FRMPD4: variants seen among roughly 807,000 people sequenced by gnomAD.
FRMPD4 encodes the protein FERM and PDZ domain containing 4.
FRMPD4 carries 22 observed loss-of-function variants against 94.1 expected under a neutral mutation model. The observed-to-expected ratio is 0.23, with a 90% CI of 0.17 to 0.33. The LOEUF (loss-of-function observed/expected upper bound fraction) is 0.33. FRMPD4 is among the 10% of genes least tolerant of loss of function. FRMPD4 has a pLI of 1.00. For missense variants in FRMPD4, 1,111 were observed against 1,339.9 expected (o/e 0.83, Z 2.67); for synonymous variants, 631 against 548.6 (o/e 1.15, Z -2.10).
intron 3 of FRMPD4, among the ~76,000 whole-genome samples, chrX:11,926,281 A>AC (rs1365856926): frequency 9.4e-6 from 1 of 106,231 alleles, no homozygotes; most frequent in African/African-American, 3.4e-5. Flanking sequence ...AAAAAAAAAA[A>AC]AGCCCAGGAC....
At chrX:12,720,396 G>C in intron 16 of FRMPD4, 138 bp from the exon 17 acceptor site, 1 of 534,063 alleles carries the variant, frequency 1.9e-6, no homozygotes, top group South Asian at 3.6e-5. Flanking sequence ...TCTTTGGAAA[G>C]CAGGGTGACC....
intron 2 of FRMPD4, among the ~76,000 whole-genome samples, chrX:12,534,232 C>T (rs147439147): frequency 1.4e-4 from 16 of 112,938 alleles, no homozygotes; most frequent in African/African-American, 4.5e-4. Context: ...AGTCAAGAAT[C>T]GGGGTTTGGG....
intron 1 of FRMPD4, among the ~76,000 whole-genome samples, chrX:12,335,841 C>T (rs766800897): frequency 3.6e-5 from 4 of 112,323 alleles, no homozygotes; most frequent in Admixed American, 1.9e-4. Context: ...AACTGCTATC[C>T]GCTTAGAGTA....
intron 2 of FRMPD4, among the ~76,000 whole-genome samples, chrX:12,546,456 G>A (rs1751455463): frequency 8.9e-6 from 1 of 112,267 alleles, no homozygotes; most frequent in South Asian, 3.7e-4. Context: ...GGGATTACAG[G>A]CATGAGCCAC....
intron 3 of FRMPD4, among the ~76,000 whole-genome samples, chrX:12,028,186 T>C (rs762452288): frequency 9.8e-5 from 11 of 112,103 alleles, no homozygotes; most frequent in Non-Finnish European, 1.7e-4. Context: ...TCTTTTGCAC[T>C]TATAGGACTG....
intron 6 of FRMPD4, among the ~76,000 whole-genome samples, chrX:12,685,751 A>G (rs763544677): frequency 7.1e-5 from 8 of 112,085 alleles, no homozygotes; most frequent in Non-Finnish European, 1.5e-4. Flanking sequence ...ATCAAACAGC[A>G]TCATTGCTGG....
At chrX:12,498,615 A>T in intron 1 of FRMPD4, 65 bp from the exon 2 acceptor site, 1 of 632,480 alleles carries the variant, frequency 1.6e-6, no homozygotes, top group Non-Finnish European at 2.7e-6. Flanking sequence ...CTCCTTCCAG[A>T]GTTTGTCTCA....
At chrX:12,683,412 A>G (rs1222397837) in intron 5 of FRMPD4, 71 bp from the exon 6 acceptor site, 11 of 558,887 alleles carry the variant, frequency 2.0e-5, no homozygotes, top group African/African-American at 1.8e-4. Flanking sequence ...CATACCTAAG[A>G]TGGAAAACAA....
intron 1 of FRMPD4, among the ~76,000 whole-genome samples, chrX:12,352,577 T>A (rs1424292543): frequency 8.9e-6 from 1 of 112,675 alleles, no homozygotes; most frequent in Non-Finnish European, 1.9e-5. Flanking sequence ...AGTTAATGTA[T>A]CTTTTTCATT....
At chrX:12,633,881 TA>T (rs2059419432) in intron 4 of FRMPD4, among the ~76,000 whole-genome samples, 1 of 112,486 alleles carries the variant, frequency 8.9e-6, no homozygotes, top group African/African-American at 3.2e-5. Context: ...CACCGTGTAG[TA>T]GACAATAAAA....
At chrX:12,203,136 T>A (rs1190470921) in intron 1 of FRMPD4, among the ~76,000 whole-genome samples, 1 of 112,034 alleles carries the variant, frequency 8.9e-6, no homozygotes. Flanking sequence ...ATTCCCCTGG[T>A]ATCCTGTGCC....
chrX:12,258,255 G>A (rs1243680569), intron 1 of FRMPD4, among the ~76,000 whole-genome samples: 1 of 111,312 alleles, frequency 9.0e-6, no homozygotes, highest in East Asian at 2.8e-4. Context: ...TGAGAGGTAG[G>A]ACCTTTAAGA....
At chrX:12,631,042 G>A (rs2059391022) in intron 4 of FRMPD4, among the ~76,000 whole-genome samples, 1 of 111,022 alleles carries the variant, frequency 9.0e-6, no homozygotes, top group South Asian at 3.8e-4. Flanking sequence ...TGGCAGAAGG[G>A]GAAGATGATA....
intron 1 of FRMPD4, among the ~76,000 whole-genome samples, chrX:12,314,211 C>T (rs1366782605): frequency 8.9e-6 from 1 of 112,269 alleles, no homozygotes; most frequent in Non-Finnish European, 1.9e-5. Flanking sequence ...TTTAAAAAGT[C>T]GTTCAGAGTG....
chrX:12,553,433 C>CATATATATATATATATATATAT (rs1257665252), intron 2 of FRMPD4, among the ~76,000 whole-genome samples: 2 of 28,753 alleles, frequency 7.0e-5, no homozygotes, highest in Non-Finnish European at 5.3e-5. Flanking sequence ...TATCCATATG[C>CATATATATATATATATATATAT]CTATATATAT....
At chrX:12,459,307 T>A (rs925507191) in intron 1 of FRMPD4, among the ~76,000 whole-genome samples, 9 of 110,930 alleles carry the variant, frequency 8.1e-5, no homozygotes, top group African/African-American at 2.9e-4. Flanking sequence ...CCCCCACCAT[T>A]CCCAGCATTA....
At chrX:12,577,270 A>G (rs2058821025) in intron 2 of FRMPD4, among the ~76,000 whole-genome samples, 1 of 111,608 alleles carries the variant, frequency 9.0e-6, no homozygotes, top group South Asian at 3.8e-4. Context: ...GAAGATCCTT[A>G]TGCAGGCAAT....
chrX:12,602,526 G>T (rs1211198464), intron 2 of FRMPD4, among the ~76,000 whole-genome samples: 1 of 111,920 alleles, frequency 8.9e-6, no homozygotes, highest in South Asian at 3.8e-4. Flanking sequence ...GAATGAAGTT[G>T]GTGGAGAAAA....
At chrX:12,599,350 C>T (rs1186491547) in intron 2 of FRMPD4, among the ~76,000 whole-genome samples, 1 of 111,408 alleles carries the variant, frequency 9.0e-6, no homozygotes, top group Non-Finnish European at 1.9e-5. Context: ...AAAAAGCCTG[C>T]CCAGCCATGC....
Sources: allele counts gnomAD v4.1 joint callset (sites outside exome capture counted in the v4.1 genomes callset), GRCh38; gene constraint gnomAD v4.1.1; transcripts MANE v1.5; gene names NCBI Gene and HGNC (gene_info 2026-07-23, HGNC 2026-07-21).